Variants in SUSD1 observed in about 807,000 individuals in gnomAD.
SUSD1 encodes sushi domain containing 1.
A neutral mutation model predicts 86.9 loss-of-function variants in SUSD1; 65 were observed. The ratio of observed to expected loss-of-function variants is 0.75; its 90% confidence interval spans 0.61 to 0.92. The LOEUF is 0.92. Among genes scored for constraint, SUSD1 ranks in the 40% least tolerant of loss-of-function variants. The pLI, the probability that SUSD1 is intolerant of heterozygous loss-of-function variation, is 0.00. For synonymous variants in SUSD1, 346 were observed against 350.0 expected (o/e 0.99, Z 0.13); for missense variants, 850 against 929.7 (o/e 0.91, Z 1.11).
chr9:112,137,779 TA>T (rs1832329016), intron 5 of SUSD1: 1 of 152,196 alleles, frequency 6.6e-6, no homozygotes, highest in African/African-American at 2.4e-5. Context: ...CTTTGTCTGA[TA>T]TGTGAAAAAT....
chr9:112,080,216 C>T (rs377318056), intron 10 of SUSD1, 51 bp from the exon 11 acceptor site: 8 of 1,375,224 alleles, frequency 5.8e-6, no homozygotes, highest in African/African-American at 4.3e-5. Flanking sequence ...AGAAAAAATG[C>T]TACCTTTTAA....
intron 8 of SUSD1, among the ~76,000 whole-genome samples, chr9:112,102,894 A>T (rs1198407699): frequency 6.6e-6 from 1 of 152,234 alleles, no homozygotes; most frequent in Admixed American, 6.5e-5. Flanking sequence ...ACCATTGTAC[A>T]GAAAAAAGTC....
intron 1 of SUSD1, among the ~76,000 whole-genome samples, chr9:112,160,977 A>G (rs1589747736): frequency 6.6e-6 from 1 of 152,240 alleles, no homozygotes; most frequent in Non-Finnish European, 1.5e-5. Flanking sequence ...ATGAGTCCCC[A>G]TACCTAAATG....
chr9:112,096,650 C>T (rs1041923306), intron 10 of SUSD1, among the ~76,000 whole-genome samples: 2 of 152,064 alleles, frequency 1.3e-5, no homozygotes, highest in African/African-American at 4.8e-5. Flanking sequence ...AGAGATTCTC[C>T]CACCTCAGCC....
intron 2 of SUSD1, among the ~76,000 whole-genome samples, chr9:112,152,483 C>A (rs1473568576): frequency 6.6e-6 from 1 of 150,626 alleles, no homozygotes. Flanking sequence ...CTCACTGCAA[C>A]CTCAACCTCC....
chr9:112,155,079 C>T (rs1452177520), intron 2 of SUSD1, among the ~76,000 whole-genome samples: 5 of 151,856 alleles, frequency 3.3e-5, no homozygotes, highest in African/African-American at 7.3e-5. Context: ...GGTGAAACCT[C>T]GTCTCTACTA....
chr9:112,116,513 G>A (rs1481117960), intron 6 of SUSD1, among the ~76,000 whole-genome samples: 1 of 152,204 alleles, frequency 6.6e-6, no homozygotes, highest in Non-Finnish European at 1.5e-5. Context: ...GCTGTCCCAG[G>A]GCTCTTTCAT....
intron 5 of SUSD1, among the ~76,000 whole-genome samples, chr9:112,134,902 A>G (rs1832192731): frequency 6.6e-6 from 1 of 152,040 alleles, no homozygotes; most frequent in Non-Finnish European, 1.5e-5. Flanking sequence ...TCCCATCTGT[A>G]CTAAAAATAC....
chr9:112,165,407 C>CTT (rs34075174), intron 1 of SUSD1, among the ~76,000 whole-genome samples: 52,548 of 119,328 alleles, frequency 0.44, 12,515 homozygotes, highest in African/African-American at 0.56. Flanking sequence ...GTCTTTGACA[C>CTT]TTTTTTTTTT....
At chr9:112,072,681 G>C (rs1427297021) in intron 12 of SUSD1, among the ~76,000 whole-genome samples, 1 of 152,172 alleles carries the variant, frequency 6.6e-6, no homozygotes, top group Non-Finnish European at 1.5e-5. Context: ...TGGGGGCTTG[G>C]GGTTTGTTTT....
intron 10 of SUSD1, among the ~76,000 whole-genome samples, chr9:112,093,855 G>C (rs1364507276): frequency 6.6e-6 from 1 of 152,170 alleles, no homozygotes; most frequent in Non-Finnish European, 1.5e-5. Context: ...TGATTACCAG[G>C]AAAACTTTGC....
At chr9:112,082,665 A>G (rs1445217824) in intron 10 of SUSD1, among the ~76,000 whole-genome samples, 1 of 152,036 alleles carries the variant, frequency 6.6e-6, no homozygotes, top group African/African-American at 2.4e-5. Flanking sequence ...CTGATTTCAC[A>G]CTTCCGACCT....
chr9:112,137,263 GGGA>G (rs145497301), intron 5 of SUSD1, among the ~76,000 whole-genome samples: 106 of 151,720 alleles, frequency 7.0e-4, no homozygotes, highest in South Asian at 2.9e-3. Flanking sequence ...AGTGACACAG[GGGA>G]GGAGGAGGAG....
rs3983407 is a variant in SUSD1 at position 112,089,811 on chromosome 9, C to CA, written c.1474+8658dup. 8.2e-3 allele frequency among the ~76,000 whole-genome samples: 945 copies of CA among 115,746 alleles called. 9 individuals carry two copies. Among genetic ancestry groups the CA allele is most frequent in the Non-Finnish European group, 0.013 (690 of 53,840 alleles). The allele number at this position is 115,746 out of a possible 152,430, so 75.9% of individuals were successfully genotyped here. On this transcript the variant is annotated intron_variant, in intron 10 of 16. Transcript: ENST00000374270. ...TGGGTGACAGAGCAAGATTCCATCT[C>CA]AAAAAAAAAAAAAAAAAAAAAGAAA...
rs1827717867 is a variant in SUSD1 at position 112,041,138 on chromosome 9, T to C, written c.*354A>G. 2.2e-6 allele frequency: 1 copy of C among 452,568 alleles called. No individual in the cohort carries two copies. The highest frequency in any genetic ancestry group is 4.0e-6 in the Non-Finnish European group (1 of 251,656). 28.0% of individuals were successfully genotyped at this position (452,568 alleles called of 1,614,324 possible). On this transcript the variant is annotated 3_prime_UTR_variant, in exon 17 of 17. Coordinates refer to ENST00000374270, the MANE Select transcript of SUSD1 (RefSeq NM_022486.5). ...CAGAGATTCTCTTGCAGTCAATGTC[T>C]AGAGGAGCTGACCCTCAGGCATCAC...
intron 3 of SUSD1, among the ~76,000 whole-genome samples, chr9:112,149,000 T>C (rs1014435710): frequency 3.3e-5 from 5 of 151,948 alleles, no homozygotes; most frequent in African/African-American, 9.7e-5. Flanking sequence ...GATTCAATCG[T>C]TGTTTACATT....
At chr9:112,134,611 G>A (rs1832176856) in intron 5 of SUSD1, among the ~76,000 whole-genome samples, 1 of 152,112 alleles carries the variant, frequency 6.6e-6, no homozygotes, top group Non-Finnish European at 1.5e-5. Flanking sequence ...ATAGAGGGAG[G>A]AGGGAGGAAG....
intron 12 of SUSD1, among the ~76,000 whole-genome samples, chr9:112,076,258 A>G (rs1174441499): frequency 6.6e-6 from 1 of 152,224 alleles, no homozygotes; most frequent in Non-Finnish European, 1.5e-5. Context: ...TGAAAACTAC[A>G]GCAGGAATCC....
chr9:112,090,867 T>G (rs952214885), intron 10 of SUSD1, among the ~76,000 whole-genome samples: 1 of 152,188 alleles, frequency 6.6e-6, no homozygotes, highest in African/African-American at 2.4e-5. Flanking sequence ...GAGAACAGTT[T>G]TGGAGTCTGT....
Sources: gnomAD v4.1 joint callset for allele counts (sites outside exome capture counted in the v4.1 genomes callset) on GRCh38, gnomAD v4.1.1 for gene constraint, MANE v1.5 for transcripts, NCBI Gene and HGNC (gene_info 2026-07-23, HGNC 2026-07-21) for gene names.